Variants in MAGI2 observed in about 807,000 individuals in gnomAD.
MAGI2 encodes membrane associated guanylate kinase, WW and PDZ domain containing 2.
In MAGI2, 35 loss-of-function variants were observed where a neutral mutation model predicts 133.3. The ratio of observed to expected loss-of-function variants is 0.26; its 90% CI spans 0.20 to 0.35. The LOEUF (loss-of-function observed/expected upper bound fraction) is 0.35. MAGI2 is among the 10% of genes least tolerant of loss of function. MAGI2 has a pLI of 1.00. For synonymous variants in MAGI2, 729 were observed against 710.6 expected (o/e 1.03, Z -0.41); for missense variants, 1,636 against 1,863.4 (o/e 0.88, Z 2.25).
chr7:79,041,022 CG>C (rs1459746674), intron 1 of MAGI2, among the ~76,000 whole-genome samples: 2 of 152,040 alleles, frequency 1.3e-5, no homozygotes, highest in Non-Finnish European at 2.9e-5. Flanking sequence ...AAATTTTTGA[CG>C]TGATGTATAT....
At chr7:78,299,448 A>G (rs1225656203) in intron 9 of MAGI2, among the ~76,000 whole-genome samples, 1 of 150,958 alleles carries the variant, frequency 6.6e-6, no homozygotes, top group African/African-American at 2.4e-5. Flanking sequence ...CTTATGATAC[A>G]AAGCTTAGTT....
chr7:78,828,857 A>G (rs187439861), intron 2 of MAGI2, among the ~76,000 whole-genome samples: 10 of 152,304 alleles, frequency 6.6e-5, no homozygotes, highest in Admixed American at 6.5e-4. Flanking sequence ...TAAACATTCT[A>G]AAGTAATTTC....
chr7:79,114,701 T>G (rs981739324), intron 1 of MAGI2, among the ~76,000 whole-genome samples: 1 of 152,184 alleles, frequency 6.6e-6, no homozygotes, highest in Non-Finnish European at 1.5e-5. Flanking sequence ...CAGGTACTCA[T>G]GATACATACC....
At chr7:79,370,435 G>A (rs977876378) in intron 1 of MAGI2, among the ~76,000 whole-genome samples, 12 of 151,842 alleles carry the variant, frequency 7.9e-5, no homozygotes, top group Non-Finnish European at 1.8e-4. Flanking sequence ...TTAGCACAAT[G>A]TAAGTAACAA....
intron 2 of MAGI2, among the ~76,000 whole-genome samples, chr7:78,941,912 A>C (rs1801018306): frequency 6.6e-6 from 1 of 151,896 alleles, no homozygotes; most frequent in Non-Finnish European, 1.5e-5. Context: ...TTGGCATAAA[A>C]CTCATCTCCA....
At chr7:78,555,170 A>AAATAAATGAATG (rs1163688347) in intron 3 of MAGI2, among the ~76,000 whole-genome samples, 814 of 66,124 alleles carry the variant, frequency 0.012, 15 homozygotes, top group African/African-American at 0.023. Flanking sequence ...ATAAATAAAT[A>AAATAAATGAATG]AATGAATGAT....
In MAGI2 at chr7:78,019,330, C is replaced by T. The variant is rs576579796; in HGVS notation, c.4353G>A (p.Ser1451=). 8.1e-4 allele frequency: 1,257 copies of T among 1,548,270 alleles called. 2 individuals are homozygous for T. Among genetic ancestry groups the T allele is most frequent in the Non-Finnish European group, 1.0e-3 (1,174 of 1,156,818 alleles). ...GCCGCGCGGCTCATCTGCTGGCGGC[C>T]GAGGCGCCGGGTTTGAGGACGCTGG... The part of the protein sequence containing the change: ...KLPSVLKPGA[S]AASR The change falls in exon 22 of 22, where the codon TCG becomes TCA. Residue 1451 remains serine, a synonymous_variant. Transcript: ENST00000354212.
chr7:78,689,109 C>G (rs1207173081), intron 2 of MAGI2, among the ~76,000 whole-genome samples: 1 of 152,126 alleles, frequency 6.6e-6, no homozygotes, highest in Non-Finnish European at 1.5e-5. Flanking sequence ...CAATACAAAG[C>G]AGTGTTAACC....
At chr7:79,166,549 T>C (rs948945927) in intron 1 of MAGI2, among the ~76,000 whole-genome samples, 1 of 152,060 alleles carries the variant, frequency 6.6e-6, no homozygotes. Flanking sequence ...AATTGTGAAA[T>C]AGTAAATTTA....
intron 6 of MAGI2, among the ~76,000 whole-genome samples, chr7:78,393,485 T>C (rs1325003297): frequency 1.3e-5 from 2 of 152,190 alleles, no homozygotes; most frequent in Non-Finnish European, 2.9e-5. Flanking sequence ...TCTCTTTGTT[T>C]TTTCTTATTG....
chr7:79,009,801 TG>T (rs373257599), intron 1 of MAGI2, among the ~76,000 whole-genome samples: 16 of 152,188 alleles, frequency 1.1e-4, no homozygotes, highest in African/African-American at 3.9e-4. Context: ...GACCATGAAG[TG>T]AAGTGACAAG....
intron 2 of MAGI2, among the ~76,000 whole-genome samples, chr7:78,752,703 C>A (rs1014288632): frequency 6.6e-6 from 1 of 152,206 alleles, no homozygotes; most frequent in Non-Finnish European, 1.5e-5. Flanking sequence ...CCTATTGTGA[C>A]TGCCTGGCTA....
At chr7:78,144,227 C>T (rs1823057663) in intron 16 of MAGI2, among the ~76,000 whole-genome samples, 2 of 152,128 alleles carry the variant, frequency 1.3e-5, no homozygotes, top group African/African-American at 4.8e-5. Context: ...CCCTAACTCT[C>T]CCATCCTCTC....
At position 78,804,761 on chromosome 7, in the gene MAGI2, A is replaced by AAAAACAAAAAAC. The variant is rs1554576096; in HGVS notation, c.419-177523_419-177522insGTTTTTTGTTTT. 4.0e-3 allele frequency among the ~76,000 whole-genome samples: 569 copies of AAAAACAAAAAAC among 143,602 alleles called. 10 individuals carry two copies. Among genetic ancestry groups the AAAAACAAAAAAC allele is most frequent in the East Asian group, 0.026 (124 of 4,692 alleles). 94.2% of individuals were successfully genotyped at this position (143,602 alleles called of 152,430 possible). A position where few individuals can be genotyped will look rare whatever the true frequency, so the allele number is the denominator to read the frequency against. The stretch of plus-strand genomic sequence containing the variant: ...GAGACTCTGTCTCAAAAAAAAAAAA[A>AAAAACAAAAAAC]AAAAAAAAAAACCTTTGGCCCTTTG... On this transcript the variant is annotated intron_variant, in intron 2 of 21. Transcript: ENST00000354212.
chr7:78,458,099 C>T (rs1278088840), intron 6 of MAGI2, among the ~76,000 whole-genome samples: 2 of 151,810 alleles, frequency 1.3e-5, no homozygotes, highest in African/African-American at 4.8e-5. Context: ...AGATCGATAC[C>T]ATCCTGGCCA....
chr7:79,196,138 G>C (rs1828058244), intron 1 of MAGI2, among the ~76,000 whole-genome samples: 1 of 151,860 alleles, frequency 6.6e-6, no homozygotes, highest in East Asian at 1.9e-4. Context: ...ATGTTAATTA[G>C]CTAGAGTTAG....
At chr7:78,974,656 A>G (rs766491784) in intron 2 of MAGI2, among the ~76,000 whole-genome samples, 4 of 151,788 alleles carry the variant, frequency 2.6e-5, no homozygotes, top group Non-Finnish European at 5.9e-5. Flanking sequence ...GGGAATTTAG[A>G]AATTTTTATT....
intron 2 of MAGI2, among the ~76,000 whole-genome samples, chr7:78,859,589 G>C (rs1229910411): frequency 6.6e-6 from 1 of 152,198 alleles, no homozygotes; most frequent in Non-Finnish European, 1.5e-5. Flanking sequence ...CTGGCTTGTA[G>C]AGTTTCTGCT....
chr7:78,889,942 T>A (rs1796602725), intron 2 of MAGI2, among the ~76,000 whole-genome samples: 1 of 152,126 alleles, frequency 6.6e-6, no homozygotes, highest in Non-Finnish European at 1.5e-5. Flanking sequence ...GCAAATTGGA[T>A]AAAGAGTCAA....
Sources: allele counts gnomAD v4.1 joint callset (sites outside exome capture counted in the v4.1 genomes callset), GRCh38; gene constraint gnomAD v4.1.1; transcripts MANE v1.5; gene names NCBI Gene and HGNC (gene_info 2026-07-23, HGNC 2026-07-21).